Variants in LRRC4C observed in about 807,000 individuals in gnomAD.
LRRC4C encodes the protein leucine-rich repeat-containing protein 4C.
Under a neutral mutation model 33.6 loss-of-function variants are expected in LRRC4C, and 5 were observed. The observed-to-expected ratio is 0.15, with a 90% confidence interval of 0.08 to 0.31. The LOEUF is 0.31. LRRC4C is among the 10% of genes least tolerant of loss of function. LRRC4C has a pLI of 1.00. For missense variants in LRRC4C, 560 were observed against 796.7 expected (o/e 0.70, Z 3.58); for synonymous variants, 329 against 302.0 (o/e 1.09, Z -0.93).
At chr11:40,847,011 G>T (rs148364369) in intron 2 of LRRC4C, among the ~76,000 whole-genome samples, 1 of 152,272 alleles carries the variant, frequency 6.6e-6, no homozygotes, top group African/African-American at 2.4e-5. Flanking sequence ...TGTATCCTGA[G>T]ACTTTGCTGA....
At chr11:40,721,839 G>A (rs1172096890) in intron 2 of LRRC4C, among the ~76,000 whole-genome samples, 1 of 152,184 alleles carries the variant, frequency 6.6e-6, no homozygotes, top group Non-Finnish European at 1.5e-5. Flanking sequence ...TACACCGGAG[G>A]CTGAGGCAGG....
chr11:40,831,392 A>G (rs1952405422), intron 2 of LRRC4C, among the ~76,000 whole-genome samples: 1 of 152,130 alleles, frequency 6.6e-6, no homozygotes, highest in African/African-American at 2.4e-5. Flanking sequence ...AATACTCTCC[A>G]AGCAGACATA....
At chr11:40,973,736 G>T (rs1019401458) in intron 1 of LRRC4C, among the ~76,000 whole-genome samples, 1 of 152,126 alleles carries the variant, frequency 6.6e-6, no homozygotes, top group Non-Finnish European at 1.5e-5. Flanking sequence ...ATTGAGCAAA[G>T]ATAAAAACTA....
intron 6 of LRRC4C, among the ~76,000 whole-genome samples, chr11:40,133,505 G>C (rs902685355): frequency 6.6e-6 from 1 of 152,212 alleles, no homozygotes; most frequent in Non-Finnish European, 1.5e-5. Flanking sequence ...AGTAGAGTGC[G>C]GGGAAAGATA....
chr11:41,170,924 C>A (rs1471043004), intron 1 of LRRC4C, among the ~76,000 whole-genome samples: 4 of 152,104 alleles, frequency 2.6e-5, no homozygotes, highest in African/African-American at 9.6e-5. Flanking sequence ...ACAAACAACC[C>A]CATCAAAAAG....
At chr11:41,041,462 G>A (rs1198423249) in intron 1 of LRRC4C, among the ~76,000 whole-genome samples, 1 of 152,072 alleles carries the variant, frequency 6.6e-6, no homozygotes, top group African/African-American at 2.4e-5. Context: ...TACTGTTCCG[G>A]TCTTAAAGCT....
At chr11:41,306,673 A>C (rs764686146) in intron 1 of LRRC4C, among the ~76,000 whole-genome samples, 28 of 152,240 alleles carry the variant, frequency 1.8e-4, no homozygotes, top group Non-Finnish European at 3.2e-4. Context: ...ATGAAAGAAG[A>C]AGCACAGGGT....
chr11:40,503,702 A>C (rs1954893475), intron 3 of LRRC4C, among the ~76,000 whole-genome samples: 1 of 152,086 alleles, frequency 6.6e-6, no homozygotes, highest in Non-Finnish European at 1.5e-5. Flanking sequence ...CACATTCTTA[A>C]ATTTTTATTT....
chr11:40,495,831 T>G (rs954255075), intron 3 of LRRC4C, among the ~76,000 whole-genome samples: 5 of 52,438 alleles, frequency 9.5e-5, no homozygotes, highest in South Asian at 1.7e-3. Context: ...TTTTTTTTTT[T>G]TTTTTTTTTT....
intron 2 of LRRC4C, among the ~76,000 whole-genome samples, chr11:40,656,549 C>T (rs568494117): frequency 6.7e-4 from 101 of 151,238 alleles, no homozygotes; most frequent in African/African-American, 2.3e-3. Context: ...CCATTCACAA[C>T]ATGCCTCTCA....
chr11:40,635,298 G>C (rs1963852611), intron 3 of LRRC4C, among the ~76,000 whole-genome samples: 1 of 152,206 alleles, frequency 6.6e-6, no homozygotes. Context: ...TAAGCTAGTT[G>C]TCTACAGGAA....
intron 3 of LRRC4C, among the ~76,000 whole-genome samples, chr11:40,537,885 T>C (rs1298777446): frequency 6.6e-6 from 1 of 152,172 alleles, no homozygotes; most frequent in Non-Finnish European, 1.5e-5. Flanking sequence ...TGAGTGGCTG[T>C]AGCCCTGTCT....
chr11:40,423,264 A>G (rs1950586057), intron 3 of LRRC4C, among the ~76,000 whole-genome samples: 2 of 151,984 alleles, frequency 1.3e-5, no homozygotes, highest in Admixed American at 6.6e-5. Flanking sequence ...CGAATAGCAC[A>G]TAGAATTGAG....
intron 3 of LRRC4C, among the ~76,000 whole-genome samples, chr11:40,502,789 C>A (rs1396480237): frequency 1.3e-5 from 2 of 152,132 alleles, no homozygotes; most frequent in African/African-American, 4.8e-5. Flanking sequence ...ACTCTTTGAT[C>A]ACGACTTGGT....
At chr11:40,962,043 G>A (rs542782874) in intron 1 of LRRC4C, among the ~76,000 whole-genome samples, 4 of 151,584 alleles carry the variant, frequency 2.6e-5, no homozygotes, top group East Asian at 2.0e-4. Context: ...TGTAAGAAGC[G>A]GAATAATGGC....
chr11:41,124,737 C>G (rs952000136), intron 1 of LRRC4C, among the ~76,000 whole-genome samples: 1 of 152,058 alleles, frequency 6.6e-6, no homozygotes, highest in Non-Finnish European at 1.5e-5. Context: ...TTTCACTCAG[C>G]CTGACAATTT....
intron 3 of LRRC4C, among the ~76,000 whole-genome samples, chr11:40,363,036 C>T (rs1026549662): frequency 3.9e-5 from 6 of 152,184 alleles, no homozygotes; most frequent in Admixed American, 3.9e-4. Flanking sequence ...TACCATTCCA[C>T]TGAGGAATCT....
chr11:40,319,949 A>C (rs1346232644), intron 3 of LRRC4C, among the ~76,000 whole-genome samples: 1 of 152,034 alleles, frequency 6.6e-6, no homozygotes, highest in Non-Finnish European at 1.5e-5. Context: ...TATATATACA[A>C]CATATAAATA....
intron 2 of LRRC4C, among the ~76,000 whole-genome samples, chr11:40,840,632 G>A (rs936138235): frequency 2.6e-5 from 4 of 152,198 alleles, no homozygotes; most frequent in Non-Finnish European, 4.4e-5. Context: ...TCCTTGAACT[G>A]GTAAAATAGG....
Sources: gnomAD v4.1 joint callset for allele counts (sites outside exome capture counted in the v4.1 genomes callset) on GRCh38, gnomAD v4.1.1 for gene constraint, MANE v1.5 for transcripts, NCBI Gene and HGNC (gene_info 2026-07-23, HGNC 2026-07-21) for gene names.